MYT1L: variants seen among roughly 807,000 people sequenced by gnomAD.
MYT1L encodes myelin transcription factor 1-like protein.
MYT1L carries 12 observed loss-of-function variants against 126.7 expected under a neutral mutation model. The ratio of observed to expected loss-of-function variants is 0.09; its 90% confidence interval spans 0.06 to 0.15. The LOEUF is 0.15. Among genes scored for constraint, MYT1L ranks in the 10% least tolerant of loss-of-function variants. MYT1L has a pLI of 1.00. For synonymous variants in MYT1L, 541 were observed against 604.2 expected (o/e 0.90, Z 1.53); for missense variants, 979 against 1,585.2 (o/e 0.62, Z 6.49).
At chr2:2,311,169 T>C (rs2095963282) in intron 1 of MYT1L, among the ~76,000 whole-genome samples, 1 of 152,180 alleles carries the variant, frequency 6.6e-6, no homozygotes, top group Non-Finnish European at 1.5e-5. Context: ...TGTAAGAAAC[T>C]TAAAGGTTTG....
At chr2:2,184,288 A>C (rs1354103337) in intron 2 of MYT1L, among the ~76,000 whole-genome samples, 1 of 152,188 alleles carries the variant, frequency 6.6e-6, no homozygotes, top group Non-Finnish European at 1.5e-5. Flanking sequence ...TACAGTGTTA[A>C]TGCATGTGTG....
At chr2:2,280,348 T>C (rs1026562878) in intron 2 of MYT1L, among the ~76,000 whole-genome samples, 1 of 152,220 alleles carries the variant, frequency 6.6e-6, no homozygotes, top group Non-Finnish European at 1.5e-5. Context: ...GTTTCTTGCA[T>C]ATCAAAGTTG....
intron 9 of MYT1L, among the ~76,000 whole-genome samples, chr2:1,941,562 T>C (rs566944131): frequency 3.3e-5 from 5 of 152,224 alleles, no homozygotes; most frequent in African/African-American, 9.7e-5. Flanking sequence ...TTAATAGCGA[T>C]GATGGTAAGT....
At chr2:2,177,069 G>A (rs1028385119) in intron 2 of MYT1L, among the ~76,000 whole-genome samples, 2 of 152,206 alleles carry the variant, frequency 1.3e-5, no homozygotes, top group African/African-American at 4.8e-5. Flanking sequence ...CACTCCCACT[G>A]CTGAGGAAGG....
chr2:2,042,024 A>G (rs1407130421), intron 4 of MYT1L, among the ~76,000 whole-genome samples: 1 of 152,228 alleles, frequency 6.6e-6, no homozygotes, highest in Non-Finnish European at 1.5e-5. Context: ...AAGACGGTAG[A>G]TAGCACAGAG....
chr2:2,329,111 G>C (rs2096269224), intron 1 of MYT1L, among the ~76,000 whole-genome samples: 1 of 152,220 alleles, frequency 6.6e-6, no homozygotes, highest in Non-Finnish European at 1.5e-5. Context: ...CACTCCACCA[G>C]CCTTTGAAAA....
chr2:1,964,867 C>T (rs1274375751), intron 8 of MYT1L, among the ~76,000 whole-genome samples: 1 of 152,142 alleles, frequency 6.6e-6, no homozygotes, highest in Non-Finnish European at 1.5e-5. Flanking sequence ...GACAAGGCCC[C>T]TGCTGACAAG....
At chr2:1,903,768 C>T (rs1573417675) in intron 13 of MYT1L, among the ~76,000 whole-genome samples, 1 of 152,168 alleles carries the variant, frequency 6.6e-6, no homozygotes, top group South Asian at 2.1e-4. Flanking sequence ...TCAAAATGTA[C>T]CTAACTGGAC....
intron 5 of MYT1L, among the ~76,000 whole-genome samples, chr2:1,995,717 C>A (rs538597049): frequency 4.6e-4 from 70 of 152,284 alleles, no homozygotes; most frequent in African/African-American, 1.6e-3. Context: ...GTGGGACCAG[C>A]TGATGCCGAA....
At chr2:1,871,134 G>A (rs2046234660) in intron 18 of MYT1L, among the ~76,000 whole-genome samples, 1 of 152,226 alleles carries the variant, frequency 6.6e-6, no homozygotes, top group African/African-American at 2.4e-5. Flanking sequence ...GCCCTTCCTG[G>A]TTTCCAGAGT....
Position 1,932,002 on chromosome 2 carries a change from G to A in MYT1L, c.506-8739C>T, listed in dbSNP as rs115385383. ...AGTCACATATTTCTAAAGTCATCTC[G>A]GTTCCTGTCACTGCCCAAAAGCCTT... On this transcript the variant is annotated intron_variant, in intron 9 of 24. Coordinates refer to ENST00000647738, the MANE Select transcript of MYT1L (RefSeq NM_001303052.2). 3.9e-3 allele frequency among the ~76,000 whole-genome samples: 598 copies of A among 152,176 alleles called. 8 individuals are homozygous for A. Among genetic ancestry groups the A allele is most frequent in the African/African-American group, 0.014 (578 of 41,510 alleles).
chr2:2,164,614 G>T (rs1575590853), intron 3 of MYT1L, among the ~76,000 whole-genome samples: 2 of 152,278 alleles, frequency 1.3e-5, no homozygotes, highest in Admixed American at 1.3e-4. Flanking sequence ...ACCCCAGATT[G>T]TCAGTTGACC....
chr2:1,943,664 T>C lies in MYT1L; in HGVS notation c.153-330A>G, dbSNP rs1281963298. 2.0e-5 allele frequency among the ~76,000 whole-genome samples: 3 copies of C among 152,184 alleles called. No individual in the cohort carries two copies. The highest frequency in any genetic ancestry group is 7.2e-5 in the African/African-American group (3 of 41,442). On this transcript the variant is annotated intron_variant, in intron 8 of 24. Coordinates refer to ENST00000647738, the MANE Select transcript of MYT1L (RefSeq NM_001303052.2). The surrounding 1 kb of genome is among the most constrained non-coding windows in gnomAD (Gnocchi z 4.4). The stretch of plus-strand genomic sequence containing the variant: ...TTTGCATAATGTGTATAACATGTAA[T>C]TGACAATACAAATTTATGAAACATT...
At chr2:1,797,619 T>C (rs1024459920) in intron 23 of MYT1L, among the ~76,000 whole-genome samples, 5 of 152,262 alleles carry the variant, frequency 3.3e-5, no homozygotes, top group African/African-American at 4.8e-5. Flanking sequence ...TTCAGCCACA[T>C]AGGAATTGTG....
chr2:2,219,254 C>T (rs1487286578), intron 2 of MYT1L, among the ~76,000 whole-genome samples: 1 of 152,156 alleles, frequency 6.6e-6, no homozygotes, highest in Non-Finnish European at 1.5e-5. Flanking sequence ...GCTAATCCTA[C>T]AGCCGCTTAG....
intron 3 of MYT1L, among the ~76,000 whole-genome samples, chr2:2,116,036 C>A (rs957768892): frequency 6.6e-6 from 1 of 151,326 alleles, no homozygotes; most frequent in African/African-American, 2.5e-5. Context: ...GGATGCACCA[C>A]GTCCAGTCGA....
At chr2:2,250,058 T>C (rs1308036854) in intron 2 of MYT1L, among the ~76,000 whole-genome samples, 1 of 152,134 alleles carries the variant, frequency 6.6e-6, no homozygotes, top group Non-Finnish European at 1.5e-5. Flanking sequence ...AGGGAACCCT[T>C]ATATACTCTT....
chr2:2,241,836 A>G (rs953615789), intron 2 of MYT1L, among the ~76,000 whole-genome samples: 2 of 152,214 alleles, frequency 1.3e-5, no homozygotes, highest in African/African-American at 4.8e-5. Flanking sequence ...GAGCAGTCAC[A>G]AAAGAACAGA....
intron 13 of MYT1L, among the ~76,000 whole-genome samples, chr2:1,903,675 G>A (rs903055729): frequency 1.1e-4 from 16 of 152,154 alleles, no homozygotes; most frequent in African/African-American, 3.6e-4. Context: ...ACACAAAGAT[G>A]TTGCCTCGAT....
Sources: gnomAD v4.1 joint callset for allele counts (sites outside exome capture counted in the v4.1 genomes callset) on GRCh38, gnomAD v4.1.1 for gene constraint, Gnocchi (gnomAD v3.1) non-coding constraint, MANE v1.5 for transcripts, NCBI Gene and HGNC (gene_info 2026-07-23, HGNC 2026-07-21) for gene names.